The following ADGRL2 variants were observed in gnomAD, a reference collection of about 807,000 sequenced individuals.
ADGRL2 encodes the protein adhesion G protein-coupled receptor L2, also known as calcium-independent alpha-latrotoxin receptor 2.
A neutral mutation model predicts 157.4 loss-of-function variants in ADGRL2; 44 were observed. That is an observed-to-expected ratio of 0.28 (90% CI 0.22 to 0.36). The LOEUF (loss-of-function observed/expected upper bound fraction) is 0.36. ADGRL2 is among the 10% of genes least tolerant of loss of function. The pLI, the probability that ADGRL2 is intolerant of heterozygous loss-of-function variation, is 1.00. For missense variants in ADGRL2, 1,510 were observed against 1,768.9 expected, an observed-to-expected ratio of 0.85 and a Z score of 2.63; for synonymous variants, 585 against 624.7, an observed-to-expected ratio of 0.94 and a Z score of 0.95.
chr1:81,658,873 T>A (rs905630812), intron 3 of ADGRL2, among the ~76,000 whole-genome samples: 8 of 151,816 alleles, frequency 5.3e-5, no homozygotes, highest in African/African-American at 2.4e-5. Context: ...TGCCTCAGCC[T>A]CCTGAGTAGC....
intron 1 of ADGRL2, among the ~76,000 whole-genome samples, chr1:81,752,523 T>C (rs1362358987): frequency 2.6e-5 from 4 of 152,192 alleles, no homozygotes; most frequent in Admixed American, 1.3e-4. Context: ...ATAGTTATAG[T>C]AATGGTTTTC....
At chr1:81,365,132 G>A (rs1557630576) in intron 1 of ADGRL2, among the ~76,000 whole-genome samples, 3 of 152,270 alleles carry the variant, frequency 2.0e-5, no homozygotes, top group South Asian at 4.1e-4. Flanking sequence ...TAGGCTTCCT[G>A]TCAGGACATT....
intron 2 of ADGRL2, chr1:81,445,238 A>T (rs2077577563): frequency 6.6e-6 from 1 of 152,228 alleles, no homozygotes; most frequent in African/African-American, 2.4e-5. Context: ...TAAAATCATG[A>T]TCCTGGGTGG....
Position 81,992,781 on chromosome 1 carries a change from G to T in ADGRL2, c.*1636G>T, listed in dbSNP as rs535983199. ...GGAAGTTTCTTAAACATACTTTAAGGATTATAAATATCCCTATAGACAGCT... is the reference window on the plus strand; with the variant it reads ...GGAAGTTTCTTAAACATACTTTAAGTATTATAAATATCCCTATAGACAGCT... On this transcript the variant is annotated 3_prime_UTR_variant, in exon 24 of 24. Coordinates refer to ENST00000686636, the MANE Select transcript of ADGRL2 (RefSeq NM_001366006.2). 2.9e-3 allele frequency among the ~76,000 whole-genome samples: 441 copies of T among 151,882 alleles called. 2 individuals carry two copies. The highest frequency in any genetic ancestry group is 9.7e-3 in the African/African-American group (402 of 41,426).
intron 1 of ADGRL2, among the ~76,000 whole-genome samples, chr1:81,833,811 C>T (rs961718616): frequency 1.3e-5 from 2 of 152,122 alleles, no homozygotes; most frequent in African/African-American, 4.8e-5. Flanking sequence ...ATATACACAG[C>T]TGAAGCATAT....
At chr1:81,349,622 G>T (rs572969528) in intron 1 of ADGRL2, among the ~76,000 whole-genome samples, 1 of 76,506 alleles carries the variant, frequency 1.3e-5, no homozygotes. Flanking sequence ...AAAGACCTGT[G>T]TTGTGAGCTA....
intron 1 of ADGRL2, among the ~76,000 whole-genome samples, chr1:81,375,939 T>C (rs61768907): frequency 0.13 from 19,587 of 152,112 alleles, 1,580 homozygotes; most frequent in East Asian, 0.2. Context: ...AAAGTACCCA[T>C]ATTCGGTCTT....
At chr1:81,948,046 G>A (rs920649910) in intron 6 of ADGRL2, among the ~76,000 whole-genome samples, 3 of 151,898 alleles carry the variant, frequency 2.0e-5, no homozygotes, top group Admixed American at 6.6e-5. Context: ...GTGAAACCCC[G>A]TCTCTGCTAA....
At chr1:81,960,529 C>T (rs2149208929) in intron 11 of ADGRL2, among the ~76,000 whole-genome samples, 1 of 142,282 alleles carries the variant, frequency 7.0e-6, no homozygotes, top group African/African-American at 2.5e-5. Flanking sequence ...GGCTGGAGTG[C>T]AGTGGCATGA....
At chr1:81,653,695 G>A (rs1180848369) in intron 3 of ADGRL2, among the ~76,000 whole-genome samples, 1 of 152,126 alleles carries the variant, frequency 6.6e-6, no homozygotes, top group Non-Finnish European at 1.5e-5. Context: ...ACAGAAGCGT[G>A]TGAAAAGAAT....
upstream of ADGRL2, among the ~76,000 whole-genome samples, chr1:81,695,066 A>G (rs2149005232): frequency 6.6e-6 from 1 of 152,206 alleles, no homozygotes. Flanking sequence ...TTTATTTCCT[A>G]TTAATTCTTT....
At chr1:81,410,506 G>A (rs771251069) in intron 1 of ADGRL2, among the ~76,000 whole-genome samples, 19 of 152,182 alleles carry the variant, frequency 1.2e-4, no homozygotes, top group Middle Eastern at 3.2e-3. Flanking sequence ...AAGGAATTAG[G>A]TCAGACCAGA....
At chr1:81,545,555 C>T (rs2079995644) in intron 2 of ADGRL2, among the ~76,000 whole-genome samples, 1 of 152,138 alleles carries the variant, frequency 6.6e-6, no homozygotes, top group African/African-American at 2.4e-5. Context: ...GCTGGGGTTA[C>T]AGGCTTGAGC....
intron 3 of ADGRL2, among the ~76,000 whole-genome samples, chr1:81,627,265 C>A (rs1426426580): frequency 6.6e-6 from 1 of 152,082 alleles, no homozygotes; most frequent in Non-Finnish European, 1.5e-5. Context: ...AACTTGCTGC[C>A]CTTCATGCCT....
chr1:81,890,662 G>A (rs2151417677), intron 2 of ADGRL2, among the ~76,000 whole-genome samples: 1 of 152,214 alleles, frequency 6.6e-6, no homozygotes, highest in East Asian at 1.9e-4. Flanking sequence ...ATGTGTTGGG[G>A]CACACATCAC....
chr1:81,386,818 A>G (rs570496757), intron 1 of ADGRL2, among the ~76,000 whole-genome samples: 6 of 151,888 alleles, frequency 4.0e-5, no homozygotes, highest in South Asian at 4.2e-4. Flanking sequence ...TTTTTTTCCC[A>G]GCTGAAATGT....
intron 4 of ADGRL2, among the ~76,000 whole-genome samples, chr1:81,939,979 C>T (rs1405627296): frequency 6.6e-6 from 1 of 150,814 alleles, no homozygotes; most frequent in African/African-American, 2.4e-5. Flanking sequence ...AAAATATATA[C>T]AATATATAAT....
At chr1:81,475,017 G>T (rs1260760863) in intron 2 of ADGRL2, among the ~76,000 whole-genome samples, 1 of 152,034 alleles carries the variant, frequency 6.6e-6, no homozygotes, top group African/African-American at 2.4e-5. Flanking sequence ...AGGAACCCAG[G>T]GCCTAAAAGC....
At chr1:81,820,015 AC>A (rs1302315718) in intron 1 of ADGRL2, among the ~76,000 whole-genome samples, 1 of 152,086 alleles carries the variant, frequency 6.6e-6, no homozygotes, top group African/African-American at 2.4e-5. Flanking sequence ...TCCCTGCTTC[AC>A]CTGTTCTTTA....
Sources: gnomAD v4.1 joint callset for allele counts (sites outside exome capture counted in the v4.1 genomes callset) on GRCh38, gnomAD v4.1.1 for gene constraint, MANE v1.5 for transcripts, NCBI Gene and HGNC (gene_info 2026-07-23, HGNC 2026-07-21) for gene names.